MYRFL: variants seen among roughly 807,000 people sequenced by gnomAD.
MYRFL encodes myelin regulatory factor-like protein.
In MYRFL, 88 loss-of-function variants were observed where a neutral mutation model predicts 109.4. That is an observed-to-expected ratio of 0.80 (90% confidence interval 0.68 to 0.96). MYRFL has a LOEUF of 0.96. Among genes scored for constraint, MYRFL ranks in the 40% least tolerant of loss-of-function variants. The pLI is 0.00. For missense variants in MYRFL, 957 were observed against 954.9 expected, an observed-to-expected ratio of 1.00 and a Z score of -0.03; for synonymous variants, 324 against 320.9, an observed-to-expected ratio of 1.01 and a Z score of -0.10.
intron 19 of MYRFL, among the ~76,000 whole-genome samples, chr12:69,948,557 A>G (rs1242156245): frequency 6.6e-6 from 1 of 152,172 alleles, no homozygotes; most frequent in South Asian, 2.1e-4. Context: ...ACTTCTCTTT[A>G]TGCCTCATTT....
At chr12:69,839,521 A>G (rs546228816) in intron 1 of MYRFL, among the ~76,000 whole-genome samples, 19 of 152,272 alleles carry the variant, frequency 1.2e-4, no homozygotes, top group African/African-American at 4.1e-4. Flanking sequence ...CAATTCTGCA[A>G]AAAGCAAAGT....
intron 7 of MYRFL, among the ~76,000 whole-genome samples, chr12:69,892,142 T>G (rs765923325): frequency 6.6e-6 from 1 of 152,174 alleles, no homozygotes; most frequent in Non-Finnish European, 1.5e-5. Flanking sequence ...AGATTCATTA[T>G]TTTCATCAAA....
intron 1 of MYRFL, among the ~76,000 whole-genome samples, chr12:69,837,128 C>G (rs1179840813): frequency 6.6e-6 from 1 of 152,166 alleles, no homozygotes; most frequent in African/African-American, 2.4e-5. Flanking sequence ...TGTTTTCATT[C>G]CAAGTCCAAC....
rs538778530 is a variant in MYRFL, at chr12:69,939,066, T to A, written c.2224+2434T>A. 2.2e-3 allele frequency among the ~76,000 whole-genome samples: 329 copies of A among 152,270 alleles called. 1 individual carries two copies. Among genetic ancestry groups the A allele is most frequent in the African/African-American group, 7.7e-3 (318 of 41,552 alleles). The stretch of plus-strand genomic sequence containing the variant: ...TACCCCATGGAGTCTCGCTGATTGC[T>A]AGCACAGCAGTCTGAGATCAAACTG... On this transcript the variant is annotated intron_variant, in intron 19 of 24. Coordinates refer to ENST00000552032, the MANE Select transcript of MYRFL (RefSeq NM_182530.3).
chr12:69,945,344 G>A (rs1488163429), intron 19 of MYRFL, among the ~76,000 whole-genome samples: 6 of 152,142 alleles, frequency 3.9e-5, no homozygotes, highest in African/African-American at 1.4e-4. Context: ...CCCTACACAG[G>A]TGGACTAGTT....
chr12:69,840,898 T>G (rs1325119848), intron 1 of MYRFL, among the ~76,000 whole-genome samples: 1 of 152,236 alleles, frequency 6.6e-6, no homozygotes. Flanking sequence ...CTTGAACTAT[T>G]TACTCAAGTT....
intron 16 of MYRFL, 31 bp from the exon 17 acceptor site, chr12:69,936,075 AATGTTTT>A: frequency 6.9e-7 from 1 of 1,454,292 alleles, no homozygotes; most frequent in Non-Finnish European, 9.0e-7. Context: ...TCTGCCACAT[AATGTTTT>A]TTTTTTTTTT....
chr12:69,939,305 G>C (rs1231186631), intron 19 of MYRFL, among the ~76,000 whole-genome samples: 1 of 152,132 alleles, frequency 6.6e-6, no homozygotes, highest in Non-Finnish European at 1.5e-5. Context: ...TGACAGCTTT[G>C]AAGAGAGCAG....
At chr12:69,866,154 C>A (rs891380418) in intron 2 of MYRFL, among the ~76,000 whole-genome samples, 2 of 152,116 alleles carry the variant, frequency 1.3e-5, no homozygotes, top group African/African-American at 4.8e-5. Flanking sequence ...ATGTGAATCT[C>A]AGGGAAATAC....
intron 24 of MYRFL, 22 bp from the exon 25 acceptor site, chr12:69,958,423 T>C (rs1956143405): frequency 6.6e-7 from 1 of 1,517,036 alleles, no homozygotes; most frequent in Non-Finnish European, 8.8e-7. Context: ...TCTTCCTTTT[T>C]TTTTTTCTCC....
rs1183980394 is a variant in MYRFL, at chr12:69,895,421, A to G, written c.1031A>G (p.His344Arg). 1 of 1,535,484 alleles carries G rather than the reference A, an allele frequency of 6.5e-7. No homozygotes were observed. The change falls in exon 9 of 25, where the codon CAC (histidine) becomes CGC (arginine). Residue 344 changes from histidine (H) to arginine (R), a missense_variant. Coordinates refer to ENST00000552032, the MANE Select transcript of MYRFL (RefSeq NM_182530.3). Reference protein sequence around the residue: ...QVTKVTLGRLHFSETTANNMR... With the variant: ...QVTKVTLGRLRFSETTANNMR... ...ACCAAAGTAACACTGGGACGATTAC[A>G]CTTCAGCGAAACCACAGCAAATAAT...
chr12:69,945,955 C>G (rs1413826094), intron 19 of MYRFL, among the ~76,000 whole-genome samples: 1 of 116,120 alleles, frequency 8.6e-6, no homozygotes, highest in African/African-American at 3.2e-5. Flanking sequence ...CCACTGCCCT[C>G]CAGCCTGGGC....
At chr12:69,925,740 T>G (rs1026072557) in intron 13 of MYRFL, among the ~76,000 whole-genome samples, 1 of 152,050 alleles carries the variant, frequency 6.6e-6, no homozygotes, top group Non-Finnish European at 1.5e-5. Flanking sequence ...CTTTTTCTGA[T>G]GTGTCAGTGA....
chr12:69,870,407 C>T (rs1297009297), intron 2 of MYRFL, among the ~76,000 whole-genome samples: 1 of 152,020 alleles, frequency 6.6e-6, no homozygotes, highest in African/African-American at 2.4e-5. Context: ...GGGTATGACC[C>T]ATAGTGTCTG....
intron 2 of MYRFL, among the ~76,000 whole-genome samples, chr12:69,857,839 C>A (rs1884392084): frequency 6.6e-6 from 1 of 151,716 alleles, no homozygotes; most frequent in African/African-American, 2.4e-5. Context: ...TCTTTTCAAA[C>A]TGTATATCTT....
intron 19 of MYRFL, among the ~76,000 whole-genome samples, chr12:69,945,365 ATACTTT>A (rs1163768766): frequency 2.0e-5 from 3 of 152,122 alleles, no homozygotes; most frequent in Non-Finnish European, 4.4e-5. Context: ...TTTGTCTTTT[ATACTTT>A]ATTTTTTACT....
chr12:69,901,253 C>T (rs369513894), intron 10 of MYRFL, among the ~76,000 whole-genome samples: 57 of 152,316 alleles, frequency 3.7e-4, no homozygotes, highest in African/African-American at 1.3e-3. Flanking sequence ...TATTGGGTCA[C>T]ATGTGAATAC....
At chr12:69,857,755 T>C (rs1884385456) in intron 2 of MYRFL, among the ~76,000 whole-genome samples, 2 of 151,838 alleles carry the variant, frequency 1.3e-5, no homozygotes, top group Admixed American at 1.3e-4. Flanking sequence ...TAATAACTTT[T>C]TAAAATATAT....
rs1206443693 is a variant in MYRFL at position 69,927,728 on chromosome 12, G to A, written c.1810G>A (p.Val604Ile). 1.8e-5 allele frequency: 27 copies of A among 1,531,808 alleles called. No homozygotes were observed. Among genetic ancestry groups the A allele is most frequent in the East Asian group, 7.3e-5 (3 of 40,820 alleles). 94.9% of individuals were successfully genotyped at this position (1,531,808 alleles called of 1,614,324 possible). A position where few individuals can be genotyped will look rare whatever the true frequency, so the allele number is the denominator to read the frequency against. The change falls in exon 15 of 25, where the codon GTT becomes ATT. Residue 604 changes from valine (V) to isoleucine (I), a missense_variant. Coordinates refer to ENST00000552032, the MANE Select transcript of MYRFL (RefSeq NM_182530.3). The stretch of plus-strand genomic sequence containing the variant: ...TAGTGCATCTTCTCCAAGAAGGGCC[G>A]TTCATAAAAAAAACAACAAGGTAAA... ...AVSASSPRRA[V>I]HKKNNKVYFS...
Sources: gnomAD v4.1 joint callset for allele counts (sites outside exome capture counted in the v4.1 genomes callset) on GRCh38, gnomAD v4.1.1 for gene constraint, MANE v1.5 for transcripts, NCBI Gene and HGNC (gene_info 2026-07-23, HGNC 2026-07-21) for gene names.